PALS1: variants seen among roughly 807,000 people sequenced by gnomAD.
The protein encoded by PALS1 is protein PALS1.
A neutral mutation model predicts 78.9 loss-of-function variants in PALS1; 31 were observed. The observed-to-expected ratio is 0.39, with a 90% CI of 0.30 to 0.53. The LOEUF (loss-of-function observed/expected upper bound fraction) is 0.53. Among genes scored for constraint, PALS1 ranks in the 20% least tolerant of loss-of-function variants. The pLI, the probability that PALS1 is intolerant of heterozygous loss-of-function variation, is 0.67. For synonymous variants in PALS1, 276 were observed against 270.9 expected, an observed-to-expected ratio of 1.02 and a Z score of -0.18; for missense variants, 704 against 826.5, an observed-to-expected ratio of 0.85 and a Z score of 1.82.
intron 14 of PALS1, 64 bp from the exon 15 acceptor site, chr14:67,332,716 G>T: frequency 6.7e-7 from 1 of 1,503,540 alleles, no homozygotes; most frequent in South Asian, 1.3e-5. Context: ...GGCCATCTCT[G>T]ACTCATCCTA....
chr14:67,295,404 CA>C (rs899903175), intron 4 of PALS1, among the ~76,000 whole-genome samples: 2 of 151,150 alleles, frequency 1.3e-5, no homozygotes, highest in African/African-American at 4.9e-5. Context: ...GCAGGAGAAT[CA>C]CTTAAACCCG....
At chr14:67,268,159 C>A (rs2146230) in intron 1 of PALS1, among the ~76,000 whole-genome samples, 23,552 of 152,154 alleles carry the variant, frequency 0.15, 3,444 homozygotes, top group East Asian at 0.42. Flanking sequence ...CAGACTCTAC[C>A]ATTTTACATT....
rs772631636 is a variant in PALS1, at chr14:67,312,640, A to C, written c.1155A>C (p.Glu385Asp). Reference sequence around the variant, plus strand: ...ATATACTTCATGTGATCAGTCAAGAAGATCCAAACTGGTGGCAGGCCTACA... The same window carrying C: ...ATATACTTCATGTGATCAGTCAAGACGATCCAAACTGGTGGCAGGCCTACA... ...KGDILHVISQ[E>D]DPNWWQAYRE... Residue 385 changes from glutamate to aspartate, a missense_variant, in exon 9 of 15, where the codon GAA (glutamate) becomes GAC (aspartate). Transcript: ENST00000261681. The C allele has an allele frequency of 6.2e-7, 1 of 1,613,676 alleles. No individual in the cohort carries two copies. Among genetic ancestry groups the C allele is most frequent in the Non-Finnish European group, 8.5e-7 (1 of 1,179,744 alleles).
At position 67,292,446 on chromosome 14, in the gene PALS1, T is replaced by G. The variant is rs1315641115; in HGVS notation, c.368-65T>G. On this transcript the variant is annotated intron_variant, in intron 3 of 14. Coordinates refer to ENST00000261681, the MANE Select transcript of PALS1 (RefSeq NM_022474.4). ...GTTACTGGTTCAAAGAAATGTTCTC[T>G]GAAAATGCATGTTGAATTAATACTG... 1.4e-5 allele frequency: 16 copies of G among 1,112,246 alleles called. No homozygotes were observed. The East Asian group carries it at 3.9e-4, about 27-fold the overall frequency. 68.9% of individuals were successfully genotyped at this position (1,112,246 alleles called of 1,614,324 possible).
rs1218941638 is a variant in PALS1, at chr14:67,279,052, A to G, written c.-119A>G. On this transcript the variant is annotated 5_prime_UTR_variant, in exon 3 of 15. It removes an upstream start codon present in the reference 5' UTR. Coordinates refer to ENST00000261681, the MANE Select transcript of PALS1 (RefSeq NM_022474.4). ...ATGGATACTTTTTCATAGCATTATT[A>G]TGTGATGTGAGAAGTTTTTTTTTTT... 2 of 934,984 alleles carry G rather than the reference A, an allele frequency of 2.1e-6. No individual in the cohort carries two copies. Among genetic ancestry groups the G allele is most frequent in the Admixed American group, 3.4e-5 (1 of 29,034 alleles). The allele number at this position is 934,984 out of a possible 1,614,324, so 57.9% of individuals were successfully genotyped here.
At chr14:67,241,951 T>C (rs1440072110) in intron 1 of PALS1, 1 of 152,200 alleles carries the variant, frequency 6.6e-6, no homozygotes, top group Non-Finnish European at 1.5e-5. Flanking sequence ...GAAGTCAGAA[T>C]GTAGTCAGCG....
chr14:67,266,231 G>A (rs528371407), intron 1 of PALS1, among the ~76,000 whole-genome samples: 1 of 152,092 alleles, frequency 6.6e-6, no homozygotes, highest in Non-Finnish European at 1.5e-5. Flanking sequence ...GTAAGAACTC[G>A]TTTTTTAGTT....
chr14:67,312,783 C>T, intron 9 of PALS1, 73 bp downstream of exon 9: 1 of 1,197,784 alleles, frequency 8.3e-7, no homozygotes, highest in East Asian at 2.8e-5. Context: ...CAAAGAAAAA[C>T]TCACTCTTTC....
chr14:67,332,968 A>T lies in PALS1; in HGVS notation c.*12A>T. ...CTTGGCTGAGGTGAAAGAAACATCC[A>T]TTCTGTGGCATGTTGGACTTGATCT... On this transcript the variant is annotated 3_prime_UTR_variant, in exon 15 of 15. Coordinates refer to ENST00000261681, the MANE Select transcript of PALS1 (RefSeq NM_022474.4). 1 of 1,593,030 alleles carries T rather than the reference A, an allele frequency of 6.3e-7. No individual in the cohort carries two copies. The highest frequency in any genetic ancestry group is 8.6e-7 in the Non-Finnish European group (1 of 1,164,578).
chr14:67,301,523 T>A (rs2084932886), intron 5 of PALS1, 57 bp downstream of exon 5: 2 of 1,280,360 alleles, frequency 1.6e-6, no homozygotes, highest in Admixed American at 1.9e-5. Flanking sequence ...TCTATTTTTT[T>A]AAATCAAAGA....
intron 12 of PALS1, 49 bp downstream of exon 12, chr14:67,320,446 T>G (rs1480694663): frequency 1.3e-6 from 2 of 1,485,696 alleles, no homozygotes; most frequent in Admixed American, 4.4e-5. Context: ...ATTTACCAGC[T>G]CAGAACCTAA....
chr14:67,327,167 T>G (rs978318288), intron 14 of PALS1, among the ~76,000 whole-genome samples: 5 of 151,750 alleles, frequency 3.3e-5, no homozygotes, highest in African/African-American at 9.7e-5. Flanking sequence ...AGAGTAAGAC[T>G]CTCAAAAAAA....
Position 67,301,420 on chromosome 14 carries a change from A to T in PALS1, c.608A>T (p.Lys203Met), listed in dbSNP as rs1448680343. The T allele has an allele frequency of 6.2e-7, 1 of 1,610,770 alleles. No individual in the cohort carries two copies. The highest frequency in any genetic ancestry group is 8.5e-7 in the Non-Finnish European group (1 of 1,178,046). The part of the protein sequence containing the change: ...VQTVLKPVHH[K>M]EGQELTALLN... Reference sequence around the variant, plus strand: ...ACTGTTTTGAAGCCAGTTCATCATAAGGAAGGACAAGAACTAACTGCTTTG... The same window carrying T: ...ACTGTTTTGAAGCCAGTTCATCATATGGAAGGACAAGAACTAACTGCTTTG... Residue 203 changes from lysine to methionine, a missense_variant, in exon 5 of 15, where the codon AAG (lysine) becomes ATG (methionine). Coordinates refer to ENST00000261681, the MANE Select transcript of PALS1 (RefSeq NM_022474.4).
At chr14:67,291,772 A>G (rs1242430138) in intron 3 of PALS1, among the ~76,000 whole-genome samples, 1 of 152,222 alleles carries the variant, frequency 6.6e-6, no homozygotes, top group Non-Finnish European at 1.5e-5. Flanking sequence ...AATAAACCTC[A>G]ACTTCCTTAC....
chr14:67,323,348 C>T (rs2085296681), intron 13 of PALS1, among the ~76,000 whole-genome samples: 1 of 151,510 alleles, frequency 6.6e-6, no homozygotes, highest in East Asian at 1.9e-4. Flanking sequence ...TGCAGTGGCT[C>T]ATGCCTGTAA....
chr14:67,302,618 C>A, intron 7 of PALS1, 47 bp downstream of exon 7: 1 of 1,296,482 alleles, frequency 7.7e-7, no homozygotes, highest in Non-Finnish European at 1.0e-6. Flanking sequence ...TTAGAAAGCT[C>A]TTATTAGACT....
At chr14:67,301,562 T>C (rs1159049420) in intron 5 of PALS1, 96 bp downstream of exon 5, 1 of 705,974 alleles carries the variant, frequency 1.4e-6, no homozygotes, top group Non-Finnish European at 2.3e-6. Flanking sequence ...TGTCAAACAT[T>C]CTCTAGCCTA....
intron 12 of PALS1, 25 bp from the exon 13 acceptor site, chr14:67,321,032 T>C: frequency 1.2e-6 from 2 of 1,608,562 alleles, no homozygotes; most frequent in South Asian, 1.1e-5. Context: ...ATGCCTGTTA[T>C]TTCTATCTGA....
At chr14:67,257,087 A>G (rs1451806496) in intron 1 of PALS1, among the ~76,000 whole-genome samples, 1 of 152,110 alleles carries the variant, frequency 6.6e-6, no homozygotes, top group African/African-American at 2.4e-5. Context: ...AGACGGAACA[A>G]CTTGAGGCGG....
Sources: allele counts gnomAD v4.1 joint callset (sites outside exome capture counted in the v4.1 genomes callset), GRCh38; gene constraint gnomAD v4.1.1; transcripts MANE v1.5; gene names NCBI Gene and HGNC (gene_info 2026-07-23, HGNC 2026-07-21).